The following CDH23 variants were observed in gnomAD, a reference collection of about 807,000 sequenced individuals.
CDH23 encodes cadherin-23.
In CDH23, 189 loss-of-function variants were observed where a neutral mutation model predicts 317.1. The ratio of observed to expected loss-of-function variants is 0.60; its 90% CI spans 0.53 to 0.67. CDH23 has a LOEUF of 0.67. CDH23 is among the 30% of genes least tolerant of loss of function. The pLI, the probability that CDH23 is intolerant of heterozygous loss-of-function variation, is 0.00. For missense variants in CDH23, 4,401 were observed against 4,592.4 expected (o/e 0.96, Z 1.20); for synonymous variants, 1,839 against 1,876.8 (o/e 0.98, Z 0.52).
chr10:71,449,336 C>G (rs1850321843), intron 3 of CDH23, among the ~76,000 whole-genome samples: 1 of 152,160 alleles, frequency 6.6e-6, no homozygotes, highest in Non-Finnish European at 1.5e-5. Context: ...GCCTCATTAC[C>G]TGGCTTCTCC....
intron 28 of CDH23, chr10:71,716,102 G>C: frequency 6.5e-7 from 1 of 1,539,750 alleles, no homozygotes; most frequent in South Asian, 1.2e-5. Context: ...GGGGCTCCCA[G>C]GGTGGTGGGG....
intron 25 of CDH23, among the ~76,000 whole-genome samples, chr10:71,705,614 C>G (rs529295110): frequency 1.3e-5 from 2 of 152,310 alleles, no homozygotes; most frequent in East Asian, 3.9e-4. Flanking sequence ...CTGGGACTCC[C>G]AGACTCCCTA....
intron 32 of CDH23, chr10:71,732,691 A>G (rs1839431777): frequency 7.6e-7 from 1 of 1,314,066 alleles, no homozygotes; most frequent in Admixed American, 3.4e-5. Flanking sequence ...ATCCATTTTC[A>G]TATGTAGGAG....
At chr10:71,438,995 G>T (rs1338131078) in intron 1 of CDH23, among the ~76,000 whole-genome samples, 1 of 152,166 alleles carries the variant, frequency 6.6e-6, no homozygotes, top group Non-Finnish European at 1.5e-5. Flanking sequence ...CTCCTGAGCC[G>T]CTGGAGGACC....
chr10:71,727,630 G>A (rs928373239), intron 30 of CDH23, among the ~76,000 whole-genome samples: 5 of 152,134 alleles, frequency 3.3e-5, no homozygotes, highest in Non-Finnish European at 7.4e-5. Flanking sequence ...AGTCCCCTTA[G>A]AGACTGGGTG....
At chr10:71,423,307 A>AG in intron 1 of CDH23, among the ~76,000 whole-genome samples, 1 of 152,354 alleles carries the variant, frequency 6.6e-6, no homozygotes, top group Admixed American at 6.5e-5. Context: ...GTGATGGCCA[A>AG]GCCCTGTTGA....
At chr10:71,510,335 C>G in intron 4 of CDH23, 111 bp downstream of exon 4, 1 of 1,214,470 alleles carries the variant, frequency 8.2e-7, no homozygotes, top group Non-Finnish European at 1.2e-6. Flanking sequence ...CCCATTCTGA[C>G]TCCACAGTGG....
In CDH23 at chr10:71,566,799, G is replaced by A. The variant is rs746657813; in HGVS notation, c.487G>A (p.Ala163Thr). 1 of 1,613,148 alleles carries A rather than the reference G, an allele frequency of 6.2e-7. No homozygotes were observed. Among genetic ancestry groups the A allele is most frequent in the Non-Finnish European group, 8.5e-7 (1 of 1,179,186 alleles). ...GAATGCCACAGACCCCGACTTGGGG[G>A]CAGGGGGCAGCGTCCTCTACTCCTT... ...IVNATDPDLG[A>T]GGSVLYSFQP... is the part of the protein sequence containing the mutation. The change falls in exon 7 of 70, where the codon GCA becomes ACA. Residue 163 changes from alanine (A) to threonine (T), a missense_variant. Coordinates refer to ENST00000224721, the MANE Select transcript of CDH23 (RefSeq NM_022124.6).
chr10:71,762,631 T>C (rs1455387894), intron 38 of CDH23, among the ~76,000 whole-genome samples: 2 of 152,098 alleles, frequency 1.3e-5, no homozygotes, highest in East Asian at 3.9e-4. Context: ...TCAGGGCACT[T>C]GGAGGAGGGA....
At chr10:71,506,711 G>A (rs1000225721) in intron 3 of CDH23, among the ~76,000 whole-genome samples, 3 of 152,180 alleles carry the variant, frequency 2.0e-5, no homozygotes, top group Non-Finnish European at 4.4e-5. Flanking sequence ...AGCGCTGGGC[G>A]GAGGAGTATG....
chr10:71,613,871 T>G (rs966944895), intron 9 of CDH23, among the ~76,000 whole-genome samples: 4 of 152,210 alleles, frequency 2.6e-5, no homozygotes. Flanking sequence ...TCCTCAGTCC[T>G]GCCCATTCTC....
intron 37 of CDH23, among the ~76,000 whole-genome samples, chr10:71,741,422 A>G (rs543130084): frequency 1.2e-4 from 18 of 152,120 alleles, no homozygotes; most frequent in Admixed American, 2.0e-4. Flanking sequence ...CCTGCACCTC[A>G]GTTTTCTCTT....
chr10:71,451,092 C>T (rs190889537), intron 3 of CDH23, among the ~76,000 whole-genome samples: 2 of 152,268 alleles, frequency 1.3e-5, no homozygotes, highest in Non-Finnish European at 2.9e-5. Context: ...CATTCCTGTG[C>T]CTCTTTTTCT....
intron 14 of CDH23, among the ~76,000 whole-genome samples, chr10:71,650,881 C>T (rs549178121): frequency 6.6e-6 from 1 of 152,364 alleles, no homozygotes; most frequent in East Asian, 1.9e-4. Flanking sequence ...TGGGGCCTGG[C>T]AGGGTTTGTG....
At chr10:71,706,417 C>T (rs1309084803) in intron 25 of CDH23, among the ~76,000 whole-genome samples, 1 of 152,172 alleles carries the variant, frequency 6.6e-6, no homozygotes, top group Non-Finnish European at 1.5e-5. Flanking sequence ...GCTCTGAGCT[C>T]CCGCTTCCTC....
chr10:71,705,103 A>G lies in CDH23; in HGVS notation c.2926A>G (p.Ser976Gly), dbSNP rs372401651. The change falls in exon 25 of 70, where the codon AGC (serine) becomes GGC (glycine). Residue 976 changes from serine to glycine, a missense_variant. Around this residue, in one of 3 missense-constraint regions of CDH23, gnomAD observed 3,068 missense variants for 3,203.3 expected, o/e 0.96. Coordinates refer to ENST00000224721, the MANE Select transcript of CDH23 (RefSeq NM_022124.6). ...CAGTGATGCAGGCACGCCCACCAAG[A>G]GCTCCACCAGCACGCTCACCATCCA... ...VASDAGTPTK[S>G]STSTLTIHVL... The G allele has an allele frequency of 1.7e-4, 267 of 1,611,008 alleles. 2 individuals carry two copies. The highest frequency in any genetic ancestry group is 1.4e-3 in the Middle Eastern group (8 of 5,776).
intron 13 of CDH23, 34 bp from the exon 14 acceptor site, chr10:71,646,425 G>C (rs544551303): frequency 6.2e-7 from 1 of 1,608,450 alleles, no homozygotes; most frequent in African/African-American, 1.3e-5. Context: ...GGGACATGTG[G>C]GAGCTTACCT....
At chr10:71,787,845 A>C (rs1841145734) in intron 44 of CDH23, among the ~76,000 whole-genome samples, 2 of 152,340 alleles carry the variant, frequency 1.3e-5, no homozygotes, top group Middle Eastern at 3.4e-3. Flanking sequence ...GTGGCGATAA[A>C]CATGTGAGTG....
At chr10:71,799,348 C>T (rs555751183) in intron 51 of CDH23, 68 bp downstream of exon 51, 2 of 1,609,024 alleles carry the variant, frequency 1.2e-6, no homozygotes, top group Non-Finnish European at 1.7e-6. Context: ...GGGCATCTTC[C>T]TCTCCCACCC....
Sources: allele counts gnomAD v4.1 joint callset (sites outside exome capture counted in the v4.1 genomes callset), GRCh38; gene constraint gnomAD v4.1.1; regional missense constraint gnomAD v4.1.1; transcripts MANE v1.5; gene names NCBI Gene and HGNC (gene_info 2026-07-23, HGNC 2026-07-21).